The following PTPRG variants were observed in gnomAD, a reference collection of about 807,000 sequenced individuals.
PTPRG encodes receptor-type tyrosine-protein phosphatase gamma.
A neutral mutation model predicts 165.3 loss-of-function variants in PTPRG; 102 were observed. That is an observed-to-expected ratio of 0.62 (90% CI 0.53 to 0.73). PTPRG has a LOEUF of 0.73. PTPRG is among the 30% of genes least tolerant of loss of function. PTPRG has a pLI of 0.00. For missense variants in PTPRG, 1,866 were observed against 1,861.4 expected (o/e 1.00, Z -0.05); for synonymous variants, 675 against 669.5 (o/e 1.01, Z -0.13).
rs1576142782 is a variant in PTPRG at position 62,213,468 on chromosome 3, A to G, written c.2156-5383A>G. Among the ~76,000 whole-genome samples the G allele has an allele frequency of 6.6e-6, 1 of 152,194 alleles. No individual in the cohort carries two copies. The highest frequency in any genetic ancestry group is 2.4e-5 in the African/African-American group (1 of 41,448). On this transcript the variant is annotated intron_variant, in intron 12 of 29. Transcript: ENST00000474889. The surrounding 1 kb of genome is among the most constrained non-coding windows in gnomAD (Gnocchi z 4.4). ...TAAGTTACATAGCCATAACTTACAT[A>G]GTCTGTTTTCACACGGACGATCTTT...
rs375206365 is a variant in PTPRG at position 62,219,020 on chromosome 3, C to T, written c.2288+37C>T. 5.6e-5 allele frequency: 90 copies of T among 1,607,494 alleles called. No individual in the cohort carries two copies. In the South Asian group the frequency reaches 8.2e-4, roughly 15 times the overall value. On this transcript the variant is annotated intron_variant, in intron 13 of 29. Transcript: ENST00000474889. This position sits in a 1 kb window ranked among gnomAD's most constrained non-coding sequence, Gnocchi z 4.5. Reference sequence around the variant, plus strand: ...AGCACCTACAGCGTAGATTTGGGGGCCAGATGCTGGCCAGGTTTTGCTCAC... The same window carrying T: ...AGCACCTACAGCGTAGATTTGGGGGTCAGATGCTGGCCAGGTTTTGCTCAC...
Position 61,785,464 on chromosome 3 carries a change from A to G in PTPRG, c.190+36482A>G, listed in dbSNP as rs72878501. On this transcript the variant is annotated intron_variant, in intron 2 of 29. Coordinates refer to ENST00000474889, the MANE Select transcript of PTPRG (RefSeq NM_002841.4). ...TGTAATTATCTAGATAATTCAGGCTAATTAAAGACCTTCCCAAATCCTTAG... is the reference window on the plus strand; with the variant it reads ...TGTAATTATCTAGATAATTCAGGCTGATTAAAGACCTTCCCAAATCCTTAG... Among the ~76,000 whole-genome samples the G allele has an allele frequency of 2.8e-3, 422 of 152,336 alleles. 1 individual carries two copies. The highest frequency in any genetic ancestry group is 9.3e-3 in the African/African-American group (387 of 41,580).
At chr3:62,143,345 G>A (rs1703999289) in intron 6 of PTPRG, among the ~76,000 whole-genome samples, 1 of 152,136 alleles carries the variant, frequency 6.6e-6, no homozygotes, top group African/African-American at 2.4e-5. Flanking sequence ...TGAATCCTGA[G>A]GCAGAAATGT....
At position 61,765,277 on chromosome 3, in the gene PTPRG, G is replaced by A. The variant is rs533795291; in HGVS notation, c.190+16295G>A. Among the ~76,000 whole-genome samples the A allele has an allele frequency of 5.9e-5, 9 of 152,350 alleles. No homozygotes were observed. The South Asian group carries it at 1.9e-3, about 32-fold the overall frequency. ...AGAAATCTGTGCATGAAATCATAAA[G>A]GAATGAATCACACTTCTGGTCGTGG... On this transcript the variant is annotated intron_variant, in intron 2 of 29. Coordinates refer to ENST00000474889, the MANE Select transcript of PTPRG (RefSeq NM_002841.4).
In PTPRG at chr3:61,945,699, T is replaced by G. The variant is rs547556141; in HGVS notation, c.191-43926T>G. Among the ~76,000 whole-genome samples, 4 of 150,416 alleles carry G rather than the reference T, an allele frequency of 2.7e-5. No individual in the cohort carries two copies. In the South Asian group the frequency reaches 8.4e-4, roughly 32 times the overall value. ...AGAGTATAATAGCAGGCTGCAAACATAAATATGTCATCTGTACTTAAGTAA... is the reference window on the plus strand; with the variant it reads ...AGAGTATAATAGCAGGCTGCAAACAGAAATATGTCATCTGTACTTAAGTAA... On this transcript the variant is annotated intron_variant, in intron 2 of 29. Transcript: ENST00000474889.
intron 8 of PTPRG, among the ~76,000 whole-genome samples, chr3:62,186,134 C>T (rs540351395): frequency 6.0e-4 from 92 of 152,258 alleles, no homozygotes; most frequent in African/African-American, 2.0e-3. Flanking sequence ...TTGCCCCAGT[C>T]GCCAAGCATC....
chr3:62,138,321 T>A (rs1703793457), intron 6 of PTPRG, among the ~76,000 whole-genome samples: 1 of 152,256 alleles, frequency 6.6e-6, no homozygotes, highest in African/African-American at 2.4e-5. Context: ...TATTGAAGAA[T>A]GCATTCCCAC....
At chr3:61,950,315 G>T (rs1038113555) in intron 2 of PTPRG, among the ~76,000 whole-genome samples, 3 of 151,958 alleles carry the variant, frequency 2.0e-5, no homozygotes, top group Non-Finnish European at 4.4e-5. Flanking sequence ...CCTGTGTTAT[G>T]ACACCTATGC....
chr3:61,799,630 G>A (rs1408536330), intron 2 of PTPRG, among the ~76,000 whole-genome samples: 2 of 152,098 alleles, frequency 1.3e-5, no homozygotes, highest in African/African-American at 4.8e-5. Flanking sequence ...GATAACACAG[G>A]TAAAGTGCCA....
At chr3:61,781,908 T>TTTA (rs71100979) in intron 2 of PTPRG, among the ~76,000 whole-genome samples, 147 of 150,740 alleles carry the variant, frequency 9.8e-4, no homozygotes, top group African/African-American at 3.5e-3. Context: ...TTTTTTTTTT[T>TTTA]ATGGTAGAGA....
At chr3:62,257,249 G>A (rs188122390) in intron 16 of PTPRG, among the ~76,000 whole-genome samples, 1 of 152,134 alleles carries the variant, frequency 6.6e-6, no homozygotes, top group African/African-American at 2.4e-5. Flanking sequence ...TTCCTTTTGG[G>A]TAACTGCTAA....
intron 2 of PTPRG, among the ~76,000 whole-genome samples, chr3:61,985,972 A>T (rs2040750709): frequency 6.6e-6 from 1 of 152,200 alleles, no homozygotes; most frequent in African/African-American, 2.4e-5. Flanking sequence ...AACGAAAAGG[A>T]GTATTTACTC....
At chr3:61,760,838 C>T (rs543231319) in intron 2 of PTPRG, among the ~76,000 whole-genome samples, 1 of 152,250 alleles carries the variant, frequency 6.6e-6, no homozygotes, top group South Asian at 2.1e-4. Flanking sequence ...TAAGTAAGAA[C>T]ATGCAGTGTT....
chr3:61,589,648 G>T (rs1403735593), intron 1 of PTPRG, among the ~76,000 whole-genome samples: 1 of 152,142 alleles, frequency 6.6e-6, no homozygotes, highest in African/African-American at 2.4e-5. Context: ...GTCAGTATGC[G>T]TAGCTCAGGC....
At chr3:62,205,977 G>A (rs977817934) in intron 12 of PTPRG, among the ~76,000 whole-genome samples, 14 of 152,180 alleles carry the variant, frequency 9.2e-5, no homozygotes, top group African/African-American at 3.4e-4. Context: ...TGTTTTCTAT[G>A]AAGACAGGTG....
rs565531120 is a variant in PTPRG, at chr3:62,195,990, A to G, written c.1327+820A>G. 1.9e-3 allele frequency among the ~76,000 whole-genome samples: 282 copies of G among 150,200 alleles called. 1 individual carries two copies. Among genetic ancestry groups the G allele is most frequent in the Non-Finnish European group, 2.9e-3 (197 of 67,600 alleles). Reference sequence around the variant, plus strand: ...TTTTACTAGAGACGGGGGTTTCACCATGTTGGCCAGGCTGGTCTTGAACTC... The same window carrying G: ...TTTTACTAGAGACGGGGGTTTCACCGTGTTGGCCAGGCTGGTCTTGAACTC... On this transcript the variant is annotated intron_variant, in intron 10 of 29. Coordinates refer to ENST00000474889, the MANE Select transcript of PTPRG (RefSeq NM_002841.4). This position sits in a 1 kb window ranked among gnomAD's most constrained non-coding sequence, Gnocchi z 4.4.
At chr3:61,710,684 CTTCT>C (rs962851714) in intron 1 of PTPRG, among the ~76,000 whole-genome samples, 1 of 152,020 alleles carries the variant, frequency 6.6e-6, no homozygotes, top group African/African-American at 2.4e-5. Flanking sequence ...AGACACAGTC[CTTCT>C]TTTTCCAGTG....
chr3:62,187,203 C>A (rs182491299), intron 8 of PTPRG, among the ~76,000 whole-genome samples: 18 of 152,334 alleles, frequency 1.2e-4, no homozygotes, highest in Admixed American at 9.2e-4. Context: ...TACAACTCCA[C>A]GTACTAGTAA....
chr3:61,587,850 G>C (rs1309611438), intron 1 of PTPRG, among the ~76,000 whole-genome samples: 1 of 151,784 alleles, frequency 6.6e-6, no homozygotes, highest in Admixed American at 6.6e-5. Flanking sequence ...TTGTAGAGGT[G>C]GCCTTACTGT....
Sources: allele counts gnomAD v4.1 joint callset (sites outside exome capture counted in the v4.1 genomes callset), GRCh38; gene constraint gnomAD v4.1.1; non-coding constraint Gnocchi (gnomAD v3.1); transcripts MANE v1.5; gene names NCBI Gene and HGNC (gene_info 2026-07-23, HGNC 2026-07-21).